MYCN: variants seen among roughly 807,000 people sequenced by gnomAD.
MYCN encodes the protein N-myc proto-oncogene protein.
MYCN carries 3 observed loss-of-function variants against 28.1 expected under a neutral mutation model. The ratio of observed to expected loss-of-function variants is 0.11; its 90% CI spans 0.05 to 0.28. MYCN has a LOEUF of 0.28. Among genes scored for constraint, MYCN ranks in the 10% least tolerant of loss-of-function variants. The probability of loss-of-function intolerance (pLI) is 1.00; values close to 1 mark genes in which losing one functional copy is unlikely to be tolerated. For synonymous variants in MYCN, 326 were observed against 288.3 expected (o/e 1.13, Z -1.32); for missense variants, 572 against 651.4 (o/e 0.88, Z 1.33).
rs775640153 is a variant in MYCN, at chr2:15,942,777, G to T, written c.713G>T (p.Arg238Leu). 11 of 1,472,760 alleles carry T rather than the reference G, an allele frequency of 7.5e-6. No homozygotes were observed. The Admixed American group carries it at 1.9e-4, about 25-fold the overall frequency. The allele number at this position is 1,472,760 out of a possible 1,614,324, so 91.2% of individuals were successfully genotyped here. ...PAGAPGVAPP[R>L]PGGRQTSGGD... ...GGGGCCCCGGGGGTCGCCCCTCCGCGCCCAGGCGGCCGCCAGACCAGCGGC... is the reference window on the plus strand; with the variant it reads ...GGGGCCCCGGGGGTCGCCCCTCCGCTCCCAGGCGGCCGCCAGACCAGCGGC... Residue 238 changes from arginine (R) to leucine (L), a missense_variant, in exon 2 of 3, where the codon CGC becomes CTC. Physicochemically the swap from Arg to Leu is moderately radical, Grantham distance 102 (BLOSUM62 -2). This residue lies in a region of MYCN where 499 missense variants were observed against 524.3 expected (regional missense o/e 0.95). Coordinates refer to ENST00000281043, the MANE Select transcript of MYCN (RefSeq NM_005378.6). This position sits in a 1 kb window ranked among gnomAD's most constrained non-coding sequence, Gnocchi z 7.0.
intron 2 of MYCN, among the ~76,000 whole-genome samples, chr2:15,943,722 C>T (rs1662784109): frequency 6.6e-6 from 1 of 152,192 alleles, no homozygotes; most frequent in Admixed American, 6.5e-5. Flanking sequence ...ACCCAGTGCC[C>T]TTGAAGGTGA....
intron 2 of MYCN, among the ~76,000 whole-genome samples, chr2:15,944,062 T>C (rs1322767872): frequency 1.3e-5 from 2 of 152,174 alleles, no homozygotes; most frequent in Non-Finnish European, 2.9e-5. Flanking sequence ...GAAACGGCTC[T>C]GTCCCTTTAA....
chr2:15,946,074 A>C lies in MYCN; in HGVS notation c.1372A>C (p.Ile458Leu). The C allele has an allele frequency of 6.2e-7, 1 of 1,614,216 alleles. No individual in the cohort carries two copies. The highest frequency in any genetic ancestry group is 8.5e-7 in the Non-Finnish European group (1 of 1,180,046). ...QARQQQLLKK[I>L]EHARTC ...AAGACAGCAGCAGTTGCTAAAGAAA[A>C]TTGAACACGCTCGGACTTGCTAGAC... The change falls in exon 3 of 3, where the codon ATT becomes CTT. Residue 458 changes from isoleucine (I) to leucine (L), a missense_variant. Ile to Leu is a conservative substitution (Grantham distance 5, BLOSUM62 2). Coordinates refer to ENST00000281043, the MANE Select transcript of MYCN (RefSeq NM_005378.6).
In MYCN at chr2:15,945,195, T is replaced by C. The variant is rs1662828507; in HGVS notation, c.791-298T>C. On this transcript the variant is annotated intron_variant, in intron 2 of 2. Coordinates refer to ENST00000281043, the MANE Select transcript of MYCN (RefSeq NM_005378.6). This position sits in a 1 kb window ranked among gnomAD's most constrained non-coding sequence, Gnocchi z 4.8. Reference sequence around the variant, plus strand: ...TTGTATTTTTAGTAGAGACAGGGTTTCACCATGTTGGCCAGGCTGATCTTG... The same window carrying C: ...TTGTATTTTTAGTAGAGACAGGGTTCCACCATGTTGGCCAGGCTGATCTTG... 6.6e-6 allele frequency among the ~76,000 whole-genome samples: 1 copy of C among 152,096 alleles called. No individual in the cohort carries two copies.
In MYCN at chr2:15,946,405, C is replaced by A. The variant is rs1662875182; in HGVS notation, c.*308C>A. 1 of 466,644 alleles carries A rather than the reference C, an allele frequency of 2.1e-6. No homozygotes were observed. The highest frequency in any genetic ancestry group is 3.7e-5 in the East Asian group (1 of 26,684). 28.9% of individuals were successfully genotyped at this position (466,644 alleles called of 1,614,324 possible). A position where few individuals can be genotyped will look rare whatever the true frequency, so the allele number is the denominator to read the frequency against. On this transcript the variant is annotated 3_prime_UTR_variant, in exon 3 of 3. Coordinates refer to ENST00000281043, the MANE Select transcript of MYCN (RefSeq NM_005378.6). ...TTGTGTGTTCCAAGTTTCCAAACAACAGAAAGTCATTCCTTCTTTTTAAAA... is the reference window on the plus strand; with the variant it reads ...TTGTGTGTTCCAAGTTTCCAAACAAAAGAAAGTCATTCCTTCTTTTTAAAA...
Position 15,942,717 on chromosome 2 carries a change from C to A in MYCN, c.653C>A (p.Ala218Glu). ...GCCAGTGCCCCGGCGGCGGGCCCTG[C>A]GGTCGCCTCGGGGGCGGGTATTGCC... Reference protein sequence around the residue: ...APASAPAAGPAVASGAGIAAP... With the variant: ...APASAPAAGPEVASGAGIAAP... Residue 218 changes from alanine to glutamate, a missense_variant, in exon 2 of 3, where the codon GCG becomes GAG. Around this residue, in one of 3 missense-constraint regions of MYCN, gnomAD observed 499 missense variants for 524.3 expected, o/e 0.95. Transcript: ENST00000281043. This position sits in a 1 kb window ranked among gnomAD's most constrained non-coding sequence, Gnocchi z 7.0. 2 of 1,201,398 alleles carry A rather than the reference C, an allele frequency of 1.7e-6. No homozygotes were observed. Among genetic ancestry groups the A allele is most frequent in the Non-Finnish European group, 2.1e-6 (2 of 971,296 alleles). The allele number at this position is 1,201,398 out of a possible 1,614,324, so 74.4% of individuals were successfully genotyped here.
In MYCN at chr2:15,945,618, G is replaced by C. The variant is rs753699979; in HGVS notation, c.916G>C (p.Ala306Pro). ...TFTITVRPKNAALGPGRAQSS... is the reference protein window; with the variant it reads ...TFTITVRPKNPALGPGRAQSS... ...CACCATCACTGTGCGTCCCAAGAAC[G>C]CAGCCCTGGGTCCCGGGAGGGCTCA... is the stretch of plus-strand genomic sequence containing the variant. The change falls in exon 3 of 3, where the codon GCA (alanine) becomes CCA (proline). Residue 306 changes from alanine to proline, a missense_variant. Transcript: ENST00000281043. The surrounding 1 kb of genome is among the most constrained non-coding windows in gnomAD (Gnocchi z 4.8). 2 of 1,613,986 alleles carry C rather than the reference G, an allele frequency of 1.2e-6. No homozygotes were observed. The highest frequency in any genetic ancestry group is 2.7e-5 in the African/African-American group (2 of 74,894).
rs991669693 is a variant in MYCN at position 15,946,055 on chromosome 2, G to A, written c.1353G>A (p.Gln451=). The A allele has an allele frequency of 6.2e-7, 1 of 1,614,222 alleles. No individual in the cohort carries two copies. The change falls in exon 3 of 3, where the codon CAG becomes CAA. Residue 451 remains glutamine, a synonymous_variant. Transcript: ENST00000281043. ...AAAAGGAAAAATTGCAGGCAAGACA[G>A]CAGCAGTTGCTAAAGAAAATTGAAC... ...LLEKEKLQAR[Q]QQLLKKIEHA... is the part of the protein sequence containing the mutation.
chr2:15,943,998 G>T (rs1363014748), intron 2 of MYCN, among the ~76,000 whole-genome samples: 1 of 152,150 alleles, frequency 6.6e-6, no homozygotes, highest in African/African-American at 2.4e-5. Flanking sequence ...CTTCTGGGCT[G>T]AGGAGAGATC....
At position 15,941,763 on chromosome 2, in the gene MYCN, T is replaced by C. The variant is rs574471856; in HGVS notation, c.-117-185T>C. ...CCTCCCACCCCCTGTCGTAGACAGC[T>C]TGTACACAAAAGGAGGGCGGGAGGG... On this transcript the variant is annotated intron_variant, in intron 1 of 2. Coordinates refer to ENST00000281043, the MANE Select transcript of MYCN (RefSeq NM_005378.6). This position sits in a 1 kb window ranked among gnomAD's most constrained non-coding sequence, Gnocchi z 4.8. The C allele has an allele frequency of 5.6e-6, 3 of 537,828 alleles. No individual in the cohort carries two copies. Among genetic ancestry groups the C allele is most frequent in the East Asian group, 6.4e-5 (2 of 31,016 alleles). The allele number at this position is 537,828 out of a possible 1,614,324, so 33.3% of individuals were successfully genotyped here.
chr2:15,943,467 A>G (rs377288993), intron 2 of MYCN, among the ~76,000 whole-genome samples: 89 of 123,114 alleles, frequency 7.2e-4, no homozygotes, highest in African/African-American at 2.8e-3. Context: ...GTGGTGGGCT[A>G]TTTGCTCCTG....
At position 15,946,064 on chromosome 2, in the gene MYCN, G is replaced by A. The variant is rs770760003; in HGVS notation, c.1362G>A (p.Leu454=). Residue 454 remains leucine, a synonymous_variant, in exon 3 of 3, where the codon TTG becomes TTA. Coordinates refer to ENST00000281043, the MANE Select transcript of MYCN (RefSeq NM_005378.6). ...AATTGCAGGCAAGACAGCAGCAGTT[G>A]CTAAAGAAAATTGAACACGCTCGGA... is the stretch of plus-strand genomic sequence containing the variant. ...KEKLQARQQQ[L]LKKIEHARTC is the part of the protein sequence containing the mutation. 5.6e-6 allele frequency: 9 copies of A among 1,614,120 alleles called. No homozygotes were observed. In the African/African-American group the frequency reaches 1.1e-4, roughly 19 times the overall value.
In MYCN at chr2:15,942,573, G is replaced by C. The variant is rs1019033224; in HGVS notation, c.509G>C (p.Arg170Pro). ...RGHGGAAGAG[R>P]AGAALPAELA... is the part of the protein sequence containing the mutation. ...CACGGCGGGGCTGCGGGAGCCGGCC[G>C]CGCCGGGGCCGCCCTGCCCGCCGAG... The change falls in exon 2 of 3, where the codon CGC becomes CCC. Residue 170 changes from arginine to proline, a missense_variant. Physicochemically the swap from Arg to Pro is moderately radical, Grantham distance 103. This residue lies in a region of MYCN where 499 missense variants were observed against 524.3 expected (regional missense o/e 0.95). Transcript: ENST00000281043. The surrounding 1 kb of genome is among the most constrained non-coding windows in gnomAD (Gnocchi z 7.0). 27 of 1,086,130 alleles carry C rather than the reference G, an allele frequency of 2.5e-5. No homozygotes were observed. The East Asian group carries it at 3.8e-4, about 15-fold the overall frequency. 67.3% of individuals were successfully genotyped at this position (1,086,130 alleles called of 1,614,324 possible).
rs925669562 is a variant in MYCN at position 15,945,125 on chromosome 2, G to A, written c.791-368G>A. Among the ~76,000 whole-genome samples the A allele has an allele frequency of 1.3e-5, 2 of 151,784 alleles. No individual in the cohort carries two copies. Among genetic ancestry groups the A allele is most frequent in the African/African-American group, 4.8e-5 (2 of 41,284 alleles). On this transcript the variant is annotated intron_variant, in intron 2 of 2. Coordinates refer to ENST00000281043, the MANE Select transcript of MYCN (RefSeq NM_005378.6). The surrounding 1 kb of genome is among the most constrained non-coding windows in gnomAD (Gnocchi z 4.8). The stretch of plus-strand genomic sequence containing the variant: ...AGTCATTCTCCTGCCTCAGCCTCCC[G>A]AGTAGCTGGGATTACCGGAGCATGC...
In MYCN at chr2:15,942,917, TTG is replaced by T; in HGVS notation, c.790+65_790+66del. On this transcript the variant is annotated intron_variant, in intron 2 of 2. Transcript: ENST00000281043. This position sits in a 1 kb window ranked among gnomAD's most constrained non-coding sequence, Gnocchi z 7.0. ...CACTGGACCCCGGGTCGCGTCCCCT[TTG>T]TTAGTGCTCGTATGTCTTGGCCTGG... The T allele has an allele frequency of 6.6e-7, 1 of 1,515,554 alleles. No homozygotes were observed. The highest frequency in any genetic ancestry group is 8.8e-7 in the Non-Finnish European group (1 of 1,131,012). 93.9% of individuals were successfully genotyped at this position (1,515,554 alleles called of 1,614,324 possible). A position where few individuals can be genotyped will look rare whatever the true frequency, so the allele number is the denominator to read the frequency against.
Position 15,945,491 on chromosome 2 carries a change from AGATGATGAAGAT to A in MYCN, c.795_806del (p.Asp265_Asp268del), listed in dbSNP as rs1439151628. The A allele has an allele frequency of 6.2e-7, 1 of 1,601,472 alleles. No individual in the cohort carries two copies. On this transcript the variant is annotated splice_acceptor_variant and coding_sequence_variant, in exon 3 of 3. Coordinates refer to ENST00000281043, the MANE Select transcript of MYCN (RefSeq NM_005378.6). LOFTEE classifies it high-confidence loss of function. The surrounding 1 kb of genome is among the most constrained non-coding windows in gnomAD (Gnocchi z 4.8). Reference sequence around the variant, plus strand: ...TGAGAGTAACTAGCATCTTTCTCTCAGATGATGAAGATGATGAAGAGGAAGATGAAGAGGAAG... The same window carrying A: ...TGAGAGTAACTAGCATCTTTCTCTCAGATGAAGAGGAAGATGAAGAGGAAG...
chr2:15,943,763 G>T (rs1236017268), intron 2 of MYCN, among the ~76,000 whole-genome samples: 1 of 152,170 alleles, frequency 6.6e-6, no homozygotes, highest in African/African-American at 2.4e-5. Flanking sequence ...CTCCAGGAAG[G>T]CTCACATCCT....
rs779959007 is a variant in MYCN at position 15,945,555 on chromosome 2, C to T, written c.853C>T (p.Arg285Trp). 7.2e-5 allele frequency: 116 copies of T among 1,613,780 alleles called. No homozygotes were observed. Among genetic ancestry groups the T allele is most frequent in the Non-Finnish European group, 9.3e-5 (110 of 1,179,908 alleles). Residue 285 changes from arginine (R) to tryptophan (W), a missense_variant, in exon 3 of 3, where the codon CGG (arginine) becomes TGG (tryptophan). Arg to Trp is a moderately radical substitution (Grantham distance 101). This residue lies in a region of MYCN where 499 missense variants were observed against 524.3 expected (regional missense o/e 0.95). Coordinates refer to ENST00000281043, the MANE Select transcript of MYCN (RefSeq NM_005378.6). The surrounding 1 kb of genome is among the most constrained non-coding windows in gnomAD (Gnocchi z 4.8). ...EEIDVVTVEK[R>W]RSSSNTKAVT... is the part of the protein sequence containing the mutation. ...AATCGACGTGGTCACTGTGGAGAAGCGGCGTTCCTCCTCCAACACCAAGGC... is the reference window on the plus strand; with the variant it reads ...AATCGACGTGGTCACTGTGGAGAAGTGGCGTTCCTCCTCCAACACCAAGGC...
Position 15,945,583 on chromosome 2 carries a change from T to C in MYCN, c.881T>C (p.Val294Ala). The change falls in exon 3 of 3, where the codon GTC becomes GCC. Residue 294 changes from valine (V) to alanine (A), a missense_variant. Physicochemically the swap from Val to Ala is moderately conservative, Grantham distance 64. Coordinates refer to ENST00000281043, the MANE Select transcript of MYCN (RefSeq NM_005378.6). This position sits in a 1 kb window ranked among gnomAD's most constrained non-coding sequence, Gnocchi z 4.8. ...KRRSSSNTKA[V>A]TTFTITVRPK... The stretch of plus-strand genomic sequence containing the variant: ...CGTTCCTCCTCCAACACCAAGGCTG[T>C]CACCACATTCACCATCACTGTGCGT... 6.2e-7 allele frequency: 1 copy of C among 1,614,114 alleles called. No individual in the cohort carries two copies. Among genetic ancestry groups the C allele is most frequent in the South Asian group, 1.1e-5 (1 of 91,068 alleles).
Sources: gnomAD v4.1 joint callset for allele counts (sites outside exome capture counted in the v4.1 genomes callset) on GRCh38, gnomAD v4.1.1 for gene constraint, gnomAD v4.1.1 regional missense constraint, Gnocchi (gnomAD v3.1) non-coding constraint, MANE v1.5 for transcripts, NCBI Gene and HGNC (gene_info 2026-07-23, HGNC 2026-07-21) for gene names.